Variants in ZNF37A observed in about 807,000 individuals in gnomAD.
ZNF37A encodes the protein zinc finger protein 37a (KOX 21).
In ZNF37A, 10 loss-of-function variants were observed where a neutral mutation model predicts 12.3. The observed-to-expected ratio is 0.82, with a 90% confidence interval of 0.50 to 1.38. The LOEUF is 1.38. Among genes scored for constraint, ZNF37A ranks in the 40% most tolerant of loss-of-function variants. The pLI, the probability that ZNF37A is intolerant of heterozygous loss-of-function variation, is 0.00. For missense variants in ZNF37A, 580 were observed against 651.2 expected (o/e 0.89, Z 1.19); for synonymous variants, 207 against 223.0 (o/e 0.93, Z 0.64).
chr10:38,098,278 T>C (rs557662119), intron 5 of ZNF37A, among the ~76,000 whole-genome samples: 1 of 152,340 alleles, frequency 6.6e-6, no homozygotes, highest in East Asian at 1.9e-4. Flanking sequence ...CTATGAGCAT[T>C]CATGTACAAA....
intron 5 of ZNF37A, among the ~76,000 whole-genome samples, chr10:38,098,570 AT>A (rs1247419602): frequency 1.1e-4 from 17 of 152,036 alleles, no homozygotes; most frequent in Non-Finnish European, 2.1e-4. Context: ...TGAATGTAAG[AT>A]TTTTTTCCCC....
At position 38,122,791 on chromosome 10, in the gene ZNF37A, C is replaced by G. The variant is rs1360259774; in HGVS notation, c.*3954C>G. 6.6e-6 allele frequency: 1 copy of G among 152,168 alleles called. No individual in the cohort carries two copies. The highest frequency in any genetic ancestry group is 1.5e-5 in the Non-Finnish European group (1 of 68,024). The allele number at this position is 152,168 out of a possible 1,614,324, so 9.4% of individuals were successfully genotyped here. ...CAAAGATTTCTTGTGTAATACCTGA[C>G]AAACAGGCAACCAAAGCAAAAGTGG... is the stretch of plus-strand genomic sequence containing the variant. On this transcript the variant is annotated 3_prime_UTR_variant, in exon 8 of 8. Transcript: ENST00000685332.
At chr10:38,107,938 G>C (rs906352539) in intron 5 of ZNF37A, among the ~76,000 whole-genome samples, 37 of 151,084 alleles carry the variant, frequency 2.4e-4, no homozygotes, top group African/African-American at 8.8e-4. Flanking sequence ...GTATTAGACA[G>C]ATCATCAAGA....
intron 7 of ZNF37A, among the ~76,000 whole-genome samples, chr10:38,135,174 C>G (rs544262011): frequency 1.3e-5 from 2 of 152,274 alleles, no homozygotes; most frequent in South Asian, 4.1e-4. Context: ...ATCATGAGAT[C>G]AAGAGATTGA....
intron 5 of ZNF37A, among the ~76,000 whole-genome samples, chr10:38,107,957 TAAC>T (rs2068272913): frequency 7.3e-6 from 1 of 136,270 alleles, no homozygotes; most frequent in Non-Finnish European, 1.6e-5. Context: ...GACAGAAAAT[TAAC>T]AAGGATATTC....
intron 5 of ZNF37A, among the ~76,000 whole-genome samples, chr10:38,106,608 T>C (rs1244810786): frequency 6.6e-6 from 1 of 151,946 alleles, no homozygotes; most frequent in Admixed American, 6.6e-5. Flanking sequence ...AGAATCTTGA[T>C]AAAAGGATAG....
chr10:38,112,737 TTTCTTTTCTTTTC>T (rs1298817810), intron 5 of ZNF37A, among the ~76,000 whole-genome samples: 3 of 72,004 alleles, frequency 4.2e-5, no homozygotes, highest in Non-Finnish European at 8.8e-5. Context: ...TCCATTTTCT[TTTCTTTTCTTTTC>T]TTTTCTTTTC....
intron 5 of ZNF37A, among the ~76,000 whole-genome samples, chr10:38,113,468 A>G (rs2068993732): frequency 6.6e-6 from 1 of 152,066 alleles, no homozygotes. Context: ...AAGCTTCAGA[A>G]TCATCTCTGT....
At chr10:38,114,715 T>A in intron 5 of ZNF37A, 40 bp from the exon 6 acceptor site, 1 of 1,613,686 alleles carries the variant, frequency 6.2e-7, no homozygotes, top group Non-Finnish European at 8.5e-7. Flanking sequence ...CGTCAACTGA[T>A]TCTTATCACT....
rs774011581 is a variant in ZNF37A at position 38,114,802 on chromosome 10, G to T, written c.63G>T (p.Glu21Asp). The T allele has an allele frequency of 1.2e-6, 2 of 1,614,080 alleles. No individual in the cohort carries two copies. Among genetic ancestry groups the T allele is most frequent in the Non-Finnish European group, 1.7e-6 (2 of 1,180,010 alleles). ...TGACTGTGGGCTTCACTCAAGAGGA[G>T]TGGCAGCATCTGGACCCTGCTCAGA... ...RDVTVGFTQE[E>D]WQHLDPAQRT... is the part of the protein sequence containing the mutation. Residue 21 changes from glutamate to aspartate, a missense_variant, in exon 6 of 8, where the codon GAG becomes GAT. Transcript: ENST00000685332.
At chr10:38,113,047 C>A (rs1409207577) in intron 5 of ZNF37A, among the ~76,000 whole-genome samples, 1 of 151,620 alleles carries the variant, frequency 6.6e-6, no homozygotes. Flanking sequence ...ACCTTGTGAT[C>A]CTCCTGCCTT....
intron 7 of ZNF37A, among the ~76,000 whole-genome samples, chr10:38,146,141 C>T (rs2070250470): frequency 6.6e-6 from 1 of 152,262 alleles, no homozygotes; most frequent in African/African-American, 2.4e-5. Flanking sequence ...AGATACTTTT[C>T]TTTCATTGAA....
chr10:38,102,600 A>G (rs1220391708), intron 5 of ZNF37A, among the ~76,000 whole-genome samples: 1 of 152,362 alleles, frequency 6.6e-6, no homozygotes, highest in Non-Finnish European at 1.5e-5. Flanking sequence ...CAAGAATACA[A>G]TAAGACTGGC....
rs2068913637 is a variant in ZNF37A at position 38,112,799 on chromosome 10, T to TC, written c.16-1955dup. 2.5e-4 allele frequency among the ~76,000 whole-genome samples: 10 copies of TC among 39,724 alleles called. 2 individuals carry two copies. Among genetic ancestry groups the TC allele is most frequent in the Non-Finnish European group, 5.2e-4 (9 of 17,146 alleles). The allele number at this position is 39,724 out of a possible 152,430, so 26.1% of individuals were successfully genotyped here. On this transcript the variant is annotated intron_variant, in intron 5 of 7. Coordinates refer to ENST00000685332, the MANE Select transcript of ZNF37A (RefSeq NM_001324250.3). ...TCTTTTCTTTTCTTTTCTTTTCTTG[T>TC]CTTGTCTTGTCTTCTTTTCTTTTCT...
rs1190347068 is a variant in ZNF37A, at chr10:38,094,428, C to T, written c.-554C>T. ...CATATGGCTCCAGGTTTGTTTTTCT[C>T]CCCGGCACTCTGACGGGGAGGGCTC... On this transcript the variant is annotated 5_prime_UTR_variant, in exon 1 of 8. Coordinates refer to ENST00000685332, the MANE Select transcript of ZNF37A (RefSeq NM_001324250.3). 3.9e-5 allele frequency: 6 copies of T among 152,204 alleles called. No homozygotes were observed. Among genetic ancestry groups the T allele is most frequent in the Non-Finnish European group, 7.3e-5 (5 of 68,078 alleles). The allele number at this position is 152,204 out of a possible 1,614,324, so 9.4% of individuals were successfully genotyped here. A position where few individuals can be genotyped will look rare whatever the true frequency, so the allele number is the denominator to read the frequency against.
chr10:38,119,232 T>C lies in ZNF37A; in HGVS notation c.*395T>C. ...ACTTGGAGAAACCTTTTGGGTGTAATGAATGTGGGAAAACCTTTCATCAGA... is the reference window on the plus strand; with the variant it reads ...ACTTGGAGAAACCTTTTGGGTGTAACGAATGTGGGAAAACCTTTCATCAGA... On this transcript the variant is annotated 3_prime_UTR_variant, in exon 8 of 8. Coordinates refer to ENST00000685332, the MANE Select transcript of ZNF37A (RefSeq NM_001324250.3). 1.9e-6 allele frequency: 2 copies of C among 1,039,276 alleles called. No homozygotes were observed. The highest frequency in any genetic ancestry group is 3.5e-5 in the African/African-American group (2 of 57,868). 64.4% of individuals were successfully genotyped at this position (1,039,276 alleles called of 1,614,324 possible). A position where few individuals can be genotyped will look rare whatever the true frequency, so the allele number is the denominator to read the frequency against.
rs540778419 is a variant in ZNF37A, at chr10:38,147,146, A to C, written c.*326A>C. 1.2e-3 allele frequency: 202 copies of C among 163,774 alleles called. 1 individual carries two copies. The highest frequency in any genetic ancestry group is 4.6e-3 in the African/African-American group (193 of 42,038). 10.1% of individuals were successfully genotyped at this position (163,774 alleles called of 1,614,324 possible). A position where few individuals can be genotyped will look rare whatever the true frequency, so the allele number is the denominator to read the frequency against. ...GGCCAGGTGTTCCTTGCCCTGCTCC[A>C]GTAAACCAACAACTTCTTGCAGTGT... is the stretch of plus-strand genomic sequence containing the variant. On this transcript the variant is annotated 3_prime_UTR_variant, in exon 8 of 8. Transcript: ENST00000638053.
At chr10:38,112,072 G>C (rs1245436632) in intron 5 of ZNF37A, among the ~76,000 whole-genome samples, 1 of 148,770 alleles carries the variant, frequency 6.7e-6, no homozygotes, top group Non-Finnish European at 1.5e-5. Context: ...TTTAGCTTGT[G>C]TTCAGGTACT....
intron 7 of ZNF37A, chr10:38,138,132 C>A (rs577764305): frequency 6.6e-6 from 1 of 152,344 alleles, no homozygotes; most frequent in African/African-American, 2.4e-5. Flanking sequence ...TGTGGTCCCA[C>A]TTTGCAGAGT....
Sources: allele counts gnomAD v4.1 joint callset (sites outside exome capture counted in the v4.1 genomes callset), GRCh38; gene constraint gnomAD v4.1.1; transcripts MANE v1.5; gene names NCBI Gene and HGNC (gene_info 2026-07-23, HGNC 2026-07-21).